The following LEMD1 variants were observed in gnomAD, a reference collection of about 807,000 sequenced individuals.
LEMD1 encodes LEM domain containing 1.
A neutral mutation model predicts 17.4 loss-of-function variants in LEMD1; 18 were observed. That is an observed-to-expected ratio of 1.04 (90% CI 0.72 to 1.54). The LOEUF (loss-of-function observed/expected upper bound fraction) is 1.54. Among genes scored for constraint, LEMD1 ranks in the 40% most tolerant of loss-of-function variants. The pLI, the probability that LEMD1 is intolerant of heterozygous loss-of-function variation, is 0.00. For missense variants in LEMD1, 195 were observed against 210.4 expected (o/e 0.93, Z 0.45); for synonymous variants, 88 against 77.8 (o/e 1.13, Z -0.69).
chr1:205,387,813 A>G (rs144020820), intron 4 of LEMD1, among the ~76,000 whole-genome samples: 1 of 152,254 alleles, frequency 6.6e-6, no homozygotes, highest in Non-Finnish European at 1.5e-5. Context: ...AGTTAGTTAT[A>G]AAAGTAGTAA....
intron 1 of LEMD1, among the ~76,000 whole-genome samples, chr1:205,447,233 C>T (rs1208475718): frequency 6.6e-6 from 1 of 152,208 alleles, no homozygotes; most frequent in African/African-American, 2.4e-5. Context: ...GCTCCCTGTG[C>T]CTCAGAATTC....
At position 205,439,600 on chromosome 1, in the gene LEMD1, C is replaced by T. The variant is rs1666260129; in HGVS notation, c.-39+10268G>A. ...TTCCAAGGAAAGGGGAGCCCTGACT[C>T]TCCTATCTTGGGGCCTTGCCCTCTC... On this transcript the variant is annotated intron_variant, in intron 1 of 3. Coordinates refer to the LEMD1 transcript ENST00000367154. 1.3e-5 allele frequency among the ~76,000 whole-genome samples: 2 copies of T among 152,244 alleles called. 1 individual carries two copies. Among genetic ancestry groups the T allele is most frequent in the South Asian group, 4.1e-4 (2 of 4,830 alleles).
intron 3 of LEMD1, among the ~76,000 whole-genome samples, chr1:205,417,478 T>C (rs1268187274): frequency 6.6e-6 from 1 of 151,978 alleles, no homozygotes; most frequent in Non-Finnish European, 1.5e-5. Flanking sequence ...TTCACCAGAG[T>C]GTTGGTTTGG....
At chr1:205,432,684 C>T (rs575491302) in intron 1 of LEMD1, among the ~76,000 whole-genome samples, 32 of 152,330 alleles carry the variant, frequency 2.1e-4, no homozygotes, top group African/African-American at 5.1e-4. Context: ...AGTCTGTAGA[C>T]GCTGGCAAAG....
chr1:205,448,206 C>T lies in LEMD1; in HGVS notation c.-39+1662G>A. 1 of 452,946 alleles carries T rather than the reference C, an allele frequency of 2.2e-6. No individual in the cohort carries two copies. Among genetic ancestry groups the T allele is most frequent in the South Asian group, 1.6e-5 (1 of 61,354 alleles). The allele number at this position is 452,946 out of a possible 1,614,324, so 28.1% of individuals were successfully genotyped here. A position where few individuals can be genotyped will look rare whatever the true frequency, so the allele number is the denominator to read the frequency against. On this transcript the variant is annotated intron_variant, in intron 1 of 3. Transcript: ENST00000367154. The surrounding 1 kb of genome is among the most constrained non-coding windows in gnomAD (Gnocchi z 4.7). ...AGCCCCGATCCCAGGTTACCAGATC[C>T]CGTGATGCCCCACCCCCAAGCAAAG...
chr1:205,425,847 C>G (rs1666048471), upstream of LEMD1, among the ~76,000 whole-genome samples: 1 of 152,126 alleles, frequency 6.6e-6, no homozygotes, highest in Admixed American at 6.5e-5. Flanking sequence ...AAAATGAGTG[C>G]ATATAATTTC....
chr1:205,384,970 C>A (rs1224064226), intron 4 of LEMD1, among the ~76,000 whole-genome samples: 1 of 151,626 alleles, frequency 6.6e-6, no homozygotes, highest in Non-Finnish European at 1.5e-5. Context: ...ATCTAGTAAG[C>A]ACTATTCTGT....
intron 4 of LEMD1, among the ~76,000 whole-genome samples, chr1:205,393,753 C>A (rs566031331): frequency 6.6e-6 from 1 of 150,736 alleles, no homozygotes; most frequent in South Asian, 2.1e-4. Context: ...TTAGTGGTAA[C>A]GTAAAATGGC....
intron 4 of LEMD1, among the ~76,000 whole-genome samples, chr1:205,410,586 C>T (rs1009970178): frequency 4.5e-4 from 68 of 152,120 alleles, no homozygotes; most frequent in African/African-American, 1.3e-3. Flanking sequence ...TGAGTAAGTC[C>T]CTGCCCCACC....
At chr1:205,404,150 G>C (rs1664981857) in intron 4 of LEMD1, among the ~76,000 whole-genome samples, 1 of 152,148 alleles carries the variant, frequency 6.6e-6, no homozygotes, top group Non-Finnish European at 1.5e-5. Context: ...AATAGGTGTG[G>C]TGTGGTGCTG....
At chr1:205,397,167 T>C (rs1664630222) in intron 4 of LEMD1, among the ~76,000 whole-genome samples, 1 of 152,108 alleles carries the variant, frequency 6.6e-6, no homozygotes, top group African/African-American at 2.4e-5. Flanking sequence ...AAAACAGATG[T>C]CCCGAGTCCT....
chr1:205,411,890 C>T (rs1574982015), intron 4 of LEMD1, among the ~76,000 whole-genome samples: 1 of 152,068 alleles, frequency 6.6e-6, no homozygotes, highest in Non-Finnish European at 1.5e-5. Context: ...ACCCAGGTGG[C>T]CCAGGAGGGC....
rs2274702 is a variant in LEMD1, at chr1:205,384,364, A to C, written c.271T>G (p.Trp91Gly). 130,381 of 1,495,466 alleles carry C rather than the reference A, an allele frequency of 0.087. 6,395 individuals carry two copies. Among genetic ancestry groups the C allele is most frequent in the East Asian group, 0.1 (3,970 of 38,272 alleles). The allele number at this position is 1,495,466 out of a possible 1,614,324, so 92.6% of individuals were successfully genotyped here. The change falls in exon 5 of 6, where the codon TGG (tryptophan) becomes GGG (glycine). Residue 91 changes from tryptophan (W) to glycine (G), a missense_variant and splice_region_variant. Physicochemically the swap from Trp to Gly is radical, Grantham distance 184. Transcript: ENST00000367153. ...CGTTTAGTGGTGGAAGCCTCAGGCC[A>C]CTGATAAACAGAAAGAAAATGTCAA... ...STEKSKKLKKWPEASTTKRKA... is the reference protein window; with the variant it reads ...STEKSKKLKKGPEASTTKRKA...
At chr1:205,426,206 T>C (rs1009224838), upstream of LEMD1, among the ~76,000 whole-genome samples, 1 of 152,258 alleles carries the variant, frequency 6.6e-6, no homozygotes, top group Non-Finnish European at 1.5e-5. Flanking sequence ...TGACCTTTGA[T>C]GCTGGTAAAC....
intron 1 of LEMD1, among the ~76,000 whole-genome samples, chr1:205,433,192 G>A (rs1045876849): frequency 6.6e-6 from 1 of 152,162 alleles, no homozygotes; most frequent in Non-Finnish European, 1.5e-5. Flanking sequence ...GCCAGGCATG[G>A]TGGCTCACAC....
chr1:205,408,837 C>T (rs7533222), intron 4 of LEMD1, among the ~76,000 whole-genome samples: 54,553 of 150,510 alleles, frequency 0.36, 11,368 homozygotes, highest in East Asian at 0.64. Context: ...TCCCAAATAC[C>T]GGAAGGGCAC....
intron 4 of LEMD1, among the ~76,000 whole-genome samples, chr1:205,394,979 T>G (rs1322439668): frequency 1.3e-5 from 2 of 150,414 alleles, no homozygotes; most frequent in Non-Finnish European, 3.0e-5. Flanking sequence ...ACAGTGAGAC[T>G]CCTTCTCAAA....
At chr1:205,391,946 GAA>G (rs60047814) in intron 4 of LEMD1, among the ~76,000 whole-genome samples, 31 of 110,020 alleles carry the variant, frequency 2.8e-4, no homozygotes, top group African/African-American at 8.9e-4. Context: ...CGTCTCTACC[GAA>G]AAAAAAAAAA....
chr1:205,405,827 T>C (rs939562876), intron 4 of LEMD1, among the ~76,000 whole-genome samples: 1 of 150,272 alleles, frequency 6.7e-6, no homozygotes, highest in African/African-American at 2.5e-5. Flanking sequence ...TCCCCATCTT[T>C]GTGGTTTTAT....
Sources: gnomAD v4.1 joint callset for allele counts (sites outside exome capture counted in the v4.1 genomes callset) on GRCh38, gnomAD v4.1.1 for gene constraint, Gnocchi (gnomAD v3.1) non-coding constraint, MANE v1.5 for transcripts, NCBI Gene and HGNC (gene_info 2026-07-23, HGNC 2026-07-21) for gene names.